TAFA2: variants seen among roughly 807,000 people sequenced by gnomAD.
TAFA2 encodes the protein chemokine-like protein TAFA-2.
Under a neutral mutation model 18.8 loss-of-function variants are expected in TAFA2, and 7 were observed. That is an observed-to-expected ratio of 0.37 (90% CI 0.21 to 0.70). TAFA2 has a LOEUF of 0.70. Among genes scored for constraint, TAFA2 ranks in the 30% least tolerant of loss-of-function variants. The pLI is 0.53. For synonymous variants in TAFA2, 60 were observed against 54.2 expected (o/e 1.11, Z -0.47); for missense variants, 122 against 158.1 (o/e 0.77, Z 1.23).
chr12:62,187,071 G>A (rs764360527), intron 1 of TAFA2, among the ~76,000 whole-genome samples: 3 of 152,014 alleles, frequency 2.0e-5, no homozygotes, highest in Admixed American at 6.6e-5. Flanking sequence ...AATAGTACAC[G>A]CCAATGTAAT....
At chr12:62,226,194 CTTTTT>C (rs148187631) in intron 1 of TAFA2, among the ~76,000 whole-genome samples, 1 of 134,622 alleles carries the variant, frequency 7.4e-6, no homozygotes. Context: ...CTTGATTACT[CTTTTT>C]TTTTTTTTTT....
chr12:61,717,056 AT>A (rs982644148), intron 4 of TAFA2, among the ~76,000 whole-genome samples: 7 of 152,310 alleles, frequency 4.6e-5, no homozygotes, highest in African/African-American at 1.4e-4. Context: ...CTGCAAATGT[AT>A]TTTTTTAATG....
Position 62,072,187 on chromosome 12 carries a change from G to A in TAFA2, c.-2+119072C>T, listed in dbSNP as rs537510150. On this transcript the variant is annotated intron_variant, in intron 1 of 4. Transcript: ENST00000416284. ...GTGTTAAAATAATCCATTCCTGGCC[G>A]GGCGCGGTGGCTCACGCCTGTAATC... Among the ~76,000 whole-genome samples, 126 of 152,192 alleles carry A rather than the reference G, an allele frequency of 8.3e-4. 1 individual carries two copies. The highest frequency in any genetic ancestry group is 1.9e-4 in the East Asian group (1 of 5,154).
chr12:62,008,308 T>C (rs1267932216), intron 1 of TAFA2, among the ~76,000 whole-genome samples: 1 of 152,164 alleles, frequency 6.6e-6, no homozygotes, highest in Non-Finnish European at 1.5e-5. Context: ...CAACTATAAA[T>C]AATCTATAAA....
At chr12:62,166,623 C>T (rs2062442147) in intron 1 of TAFA2, among the ~76,000 whole-genome samples, 2 of 152,178 alleles carry the variant, frequency 1.3e-5, no homozygotes, top group African/African-American at 4.8e-5. Context: ...GCAAGGATTG[C>T]AAAATAGCTC....
intron 2 of TAFA2, among the ~76,000 whole-genome samples, chr12:61,785,119 T>C (rs1347614932): frequency 2.0e-5 from 3 of 151,676 alleles, no homozygotes; most frequent in Non-Finnish European, 3.0e-5. Flanking sequence ...CCTTCCCTCC[T>C]GCCCTTCCCA....
intron 1 of TAFA2, among the ~76,000 whole-genome samples, chr12:62,057,457 A>C (rs1392281842): frequency 6.6e-6 from 1 of 151,932 alleles, no homozygotes; most frequent in Non-Finnish European, 1.5e-5. Flanking sequence ...TCTAATTATG[A>C]TTATATGAGG....
chr12:62,020,507 T>G (rs1881093324), intron 1 of TAFA2, among the ~76,000 whole-genome samples: 1 of 152,188 alleles, frequency 6.6e-6, no homozygotes, highest in South Asian at 2.1e-4. Context: ...GGCATGGTGT[T>G]TTCAGAGAAT....
At chr12:62,084,548 C>T (rs1868378351) in intron 1 of TAFA2, among the ~76,000 whole-genome samples, 1 of 152,060 alleles carries the variant, frequency 6.6e-6, no homozygotes, top group African/African-American at 2.4e-5. Flanking sequence ...TTTTGCTCCC[C>T]AAAAGGAGAG....
chr12:62,076,580 C>G (rs887284666), intron 1 of TAFA2, among the ~76,000 whole-genome samples: 1 of 152,134 alleles, frequency 6.6e-6, no homozygotes, highest in Non-Finnish European at 1.5e-5. Context: ...AGGTTCGACA[C>G]CACACATAAG....
chr12:61,770,490 G>T, intron 2 of TAFA2, among the ~76,000 whole-genome samples: 1 of 152,058 alleles, frequency 6.6e-6, no homozygotes, highest in Non-Finnish European at 1.5e-5. Flanking sequence ...TGAGGGAAAA[G>T]CATCAGGTAA....
At chr12:62,090,340 C>A (rs1175192218) in intron 1 of TAFA2, among the ~76,000 whole-genome samples, 1 of 152,062 alleles carries the variant, frequency 6.6e-6, no homozygotes, top group African/African-American at 2.4e-5. Context: ...GTCATTTACA[C>A]ATCCATAATC....
chr12:62,011,050 G>A (rs1162524957), intron 1 of TAFA2, among the ~76,000 whole-genome samples: 2 of 150,412 alleles, frequency 1.3e-5, no homozygotes, highest in Admixed American at 6.6e-5. Context: ...GAGGTGGGGG[G>A]CGTCTCTGCC....
chr12:61,972,948 A>G (rs976097363), intron 1 of TAFA2, among the ~76,000 whole-genome samples: 1 of 151,688 alleles, frequency 6.6e-6, no homozygotes, highest in Non-Finnish European at 1.5e-5. Context: ...TACTTTAGAA[A>G]CGATTTTCCC....
intron 1 of TAFA2, among the ~76,000 whole-genome samples, chr12:61,872,860 G>A (rs1272752399): frequency 9.2e-6 from 1 of 108,956 alleles, no homozygotes; most frequent in African/African-American, 2.7e-5. Flanking sequence ...CCACCCTGCA[G>A]TTTCTCTCTC....
intron 1 of TAFA2, among the ~76,000 whole-genome samples, chr12:62,081,988 A>T (rs573891507): frequency 3.2e-5 from 4 of 125,796 alleles, no homozygotes; most frequent in African/African-American, 1.2e-4. Context: ...TGTTACCCCC[A>T]TGTGTCCATG....
chr12:61,869,044 A>G (rs1483835097), intron 1 of TAFA2, among the ~76,000 whole-genome samples: 1 of 152,140 alleles, frequency 6.6e-6, no homozygotes, highest in Admixed American at 6.5e-5. Context: ...GAGAATAGTG[A>G]GTCATTTGTA....
At chr12:62,017,814 A>G (rs1880989489) in intron 1 of TAFA2, among the ~76,000 whole-genome samples, 1 of 152,214 alleles carries the variant, frequency 6.6e-6, no homozygotes, top group South Asian at 2.1e-4. Flanking sequence ...ACTCAATAAA[A>G]GAAAACAAGC....
chr12:62,108,536 G>A (rs971026524), intron 1 of TAFA2, among the ~76,000 whole-genome samples: 5 of 152,120 alleles, frequency 3.3e-5, no homozygotes, highest in African/African-American at 1.2e-4. Flanking sequence ...GGTATTTCTG[G>A]TTCTAGATCC....
Sources: gnomAD v4.1 joint callset for allele counts (sites outside exome capture counted in the v4.1 genomes callset) on GRCh38, gnomAD v4.1.1 for gene constraint, MANE v1.5 for transcripts, NCBI Gene and HGNC (gene_info 2026-07-23, HGNC 2026-07-21) for gene names.